The following SFXN5 variants were observed in gnomAD, a reference collection of about 807,000 sequenced individuals.
SFXN5 encodes sideroflexin-5.
In SFXN5, 43 loss-of-function variants were observed where a neutral mutation model predicts 50.2. The ratio of observed to expected loss-of-function variants is 0.86; its 90% CI spans 0.67 to 1.11. The LOEUF (loss-of-function observed/expected upper bound fraction) is 1.11. Among genes scored for constraint, SFXN5 ranks in the 50% least tolerant of loss-of-function variants. The pLI, the probability that SFXN5 is intolerant of heterozygous loss-of-function variation, is 0.00. For synonymous variants in SFXN5, 203 were observed against 185.8 expected (o/e 1.09, Z -0.75); for missense variants, 463 against 454.1 (o/e 1.02, Z -0.18).
At chr2:73,048,383 T>C (rs941399351) in intron 2 of SFXN5, among the ~76,000 whole-genome samples, 1 of 152,104 alleles carries the variant, frequency 6.6e-6, no homozygotes, top group African/African-American at 2.4e-5. Context: ...ACCCAGCTAA[T>C]TTTTGTATTT....
At chr2:73,067,688 G>C (rs947737704) in intron 1 of SFXN5, among the ~76,000 whole-genome samples, 1 of 152,216 alleles carries the variant, frequency 6.6e-6, no homozygotes, top group African/African-American at 2.4e-5. Flanking sequence ...TTGGGTTGTG[G>C]GGGGTGGGTG....
intron 12 of SFXN5, among the ~76,000 whole-genome samples, chr2:72,965,888 C>T (rs1674334845): frequency 6.6e-6 from 1 of 152,188 alleles, no homozygotes; most frequent in Admixed American, 6.5e-5. Flanking sequence ...GCTTCACACC[C>T]CGCCCCCCGC....
intron 3 of SFXN5, among the ~76,000 whole-genome samples, chr2:73,026,860 C>G (rs1239769094): frequency 6.6e-6 from 1 of 152,114 alleles, no homozygotes; most frequent in African/African-American, 2.4e-5. Flanking sequence ...TCCCGAGTAG[C>G]TGGGATTACA....
chr2:73,022,389 A>G, intron 5 of SFXN5, 133 bp downstream of exon 5: 1 of 711,480 alleles, frequency 1.4e-6, no homozygotes, highest in Non-Finnish European at 2.6e-6. Flanking sequence ...AGGTGAATGT[A>G]GAGGTGCAAA....
chr2:72,978,390 C>T (rs892832380), intron 10 of SFXN5, among the ~76,000 whole-genome samples: 2 of 150,922 alleles, frequency 1.3e-5, no homozygotes, highest in Non-Finnish European at 2.9e-5. Context: ...TCAAGCGATT[C>T]TCCTGCCTCA....
At chr2:72,968,317 C>A in intron 12 of SFXN5, 131 bp downstream of exon 12, 1 of 756,902 alleles carries the variant, frequency 1.3e-6, no homozygotes, top group East Asian at 2.7e-5. Context: ...AGCAAGACAC[C>A]TTCCACCCTC....
In SFXN5 at chr2:73,028,671, A is replaced by T. The variant is rs891710972; in HGVS notation, c.250-5457T>A. Among the ~76,000 whole-genome samples, 3 of 152,200 alleles carry T rather than the reference A, an allele frequency of 2.0e-5. No homozygotes were observed. The South Asian group carries it at 6.2e-4, about 32-fold the overall frequency. The stretch of plus-strand genomic sequence containing the variant: ...TTTCTATTTTGTATTGAGTCTCACA[A>T]ATGATACGGTCAGCTCTGCCTAGAA... On this transcript the variant is annotated intron_variant, in intron 3 of 13. Coordinates refer to ENST00000272433, the MANE Select transcript of SFXN5 (RefSeq NM_144579.3).
At chr2:73,049,605 T>C (rs975129130) in intron 2 of SFXN5, 1 of 152,228 alleles carries the variant, frequency 6.6e-6, no homozygotes, top group African/African-American at 2.4e-5. Flanking sequence ...GGGACCCTCA[T>C]GGCCTAATTG....
At chr2:73,040,302 C>T (rs1027654061) in intron 3 of SFXN5, among the ~76,000 whole-genome samples, 2 of 152,036 alleles carry the variant, frequency 1.3e-5, no homozygotes, top group Non-Finnish European at 2.9e-5. Flanking sequence ...AACAAAACAC[C>T]ACCTTCAACA....
chr2:72,980,339 C>T (rs560450891), intron 10 of SFXN5, among the ~76,000 whole-genome samples: 23 of 152,268 alleles, frequency 1.5e-4, no homozygotes, highest in African/African-American at 5.5e-4. Context: ...GGCATATTAC[C>T]ACCTTTACAC....
chr2:73,038,063 G>C lies in SFXN5; in HGVS notation c.249+2791C>G, dbSNP rs569057180. Among the ~76,000 whole-genome samples the C allele has an allele frequency of 3.9e-5, 6 of 152,310 alleles. No homozygotes were observed. The East Asian group carries it at 1.2e-3, about 29-fold the overall frequency. On this transcript the variant is annotated intron_variant, in intron 3 of 13. Transcript: ENST00000272433. ...ACAACAGGGATATGTTCTGAGAAAT[G>C]CATCATTAGGTGATTTCATCATTGT...
At chr2:72,990,147 G>T (rs193228042) in intron 9 of SFXN5, among the ~76,000 whole-genome samples, 30 of 152,264 alleles carry the variant, frequency 2.0e-4, no homozygotes, top group African/African-American at 7.0e-4. Flanking sequence ...CGCCAGCCCC[G>T]GGGCAGCGCA....
At chr2:73,047,429 T>C (rs1439488769) in intron 2 of SFXN5, among the ~76,000 whole-genome samples, 1 of 148,378 alleles carries the variant, frequency 6.7e-6, no homozygotes, top group East Asian at 2.0e-4. Context: ...TTGGTACAGG[T>C]TGGTATAATT....
intron 11 of SFXN5, 83 bp from the exon 12 acceptor site, chr2:72,968,616 C>T: frequency 7.8e-7 from 1 of 1,284,806 alleles, no homozygotes; most frequent in Non-Finnish European, 1.1e-6. Context: ...TAGGTGTGTG[C>T]CACCACAACG....
intron 13 of SFXN5, among the ~76,000 whole-genome samples, chr2:72,947,747 CCAAA>C (rs1220035093): frequency 6.6e-6 from 1 of 152,078 alleles, no homozygotes; most frequent in African/African-American, 2.4e-5. Context: ...CCCGAGAGGG[CCAAA>C]CAGAGGAGAG....
At chr2:73,043,065 C>G (rs1276617331) in intron 2 of SFXN5, among the ~76,000 whole-genome samples, 1 of 152,112 alleles carries the variant, frequency 6.6e-6, no homozygotes, top group Non-Finnish European at 1.5e-5. Flanking sequence ...GAGCCTGTCT[C>G]CAATAAATAA....
At chr2:72,971,036 A>C (rs1195344959) in intron 11 of SFXN5, among the ~76,000 whole-genome samples, 2 of 152,130 alleles carry the variant, frequency 1.3e-5, no homozygotes, top group African/African-American at 4.8e-5. Flanking sequence ...TGAGCCTATG[A>C]AACCAGTGGC....
chr2:72,988,101 T>TGGTC (rs149904337), intron 10 of SFXN5, among the ~76,000 whole-genome samples, 157 bp downstream of exon 10: 2,191 of 152,330 alleles, frequency 0.014, 45 homozygotes, highest in African/African-American at 0.05. Flanking sequence ...TGGGACCCCA[T>TGGTC]GGTCTTGTCT....
rs143348972 is a variant in SFXN5, at chr2:72,988,336, C to T, written c.547G>A (p.Val183Ile). Residue 183 changes from valine (V) to isoleucine (I), a missense_variant, in exon 10 of 14, where the codon GTC becomes ATC. By Grantham distance (29) the Val-to-Ile change is conservative (BLOSUM62 3). Coordinates refer to ENST00000272433, the MANE Select transcript of SFXN5 (RefSeq NM_144579.3). ...AACTTGTTGGCTTTCTGAACCAGGA[C>T]ATTAAGGCCCACCTTTGAAAGAAAA... ...SAVSIAVGLN[V>I]LVQKANKFTP... 29 of 1,613,680 alleles carry T rather than the reference C, an allele frequency of 1.8e-5. No homozygotes were observed. Among genetic ancestry groups the T allele is most frequent in the Admixed American group, 3.3e-5 (2 of 59,982 alleles).
Sources: gnomAD v4.1 joint callset for allele counts (sites outside exome capture counted in the v4.1 genomes callset) on GRCh38, gnomAD v4.1.1 for gene constraint, MANE v1.5 for transcripts, NCBI Gene and HGNC (gene_info 2026-07-23, HGNC 2026-07-21) for gene names.